ZSCAN25: variants seen among roughly 807,000 people sequenced by gnomAD.
The protein encoded by ZSCAN25 is zinc finger and SCAN domain containing 25, also known as zinc finger and SCAN domain-containing protein 25.
A neutral mutation model predicts 38.7 loss-of-function variants in ZSCAN25; 27 were observed. The observed-to-expected ratio is 0.70, with a 90% CI of 0.51 to 0.96. ZSCAN25 has a LOEUF of 0.96. Among genes scored for constraint, ZSCAN25 ranks in the 40% least tolerant of loss-of-function variants. ZSCAN25 has a pLI of 0.00. For synonymous variants in ZSCAN25, 273 were observed against 277.7 expected, an observed-to-expected ratio of 0.98 and a Z score of 0.17; for missense variants, 637 against 705.9, an observed-to-expected ratio of 0.90 and a Z score of 1.11.
the ZSCAN25 span, among the ~76,000 whole-genome samples, chr7:99,737,503 T>C: frequency 0.031 from 4,748 of 152,196 alleles, 236 homozygotes; most frequent in African/African-American, 0.1. Context: ...CTCTCTATGT[T>C]GCCACACCGA....
At chr7:99,650,367 C>T in the ZSCAN25 span, 2 of 758,902 alleles carry the variant, frequency 2.6e-6, no homozygotes, top group Non-Finnish European at 4.3e-6. Flanking sequence ...GTGGGCTGGT[C>T]ATTGAAATCC....
chr7:99,624,431 A>G, intron 7 of ZSCAN25: 3 of 515,174 alleles, frequency 5.8e-6, no homozygotes, highest in Non-Finnish European at 1.1e-5. Context: ...AGGACCCCCA[A>G]ACACCTACAT....
chr7:99,686,802 T>A, the ZSCAN25 span, among the ~76,000 whole-genome samples: 1 of 152,144 alleles, frequency 6.6e-6, no homozygotes, highest in Non-Finnish European at 1.5e-5. Context: ...GGTACTCCTC[T>A]GAGACAAACC....
chr7:99,665,990 A>C, the ZSCAN25 span, among the ~76,000 whole-genome samples: 3 of 152,242 alleles, frequency 2.0e-5, no homozygotes, highest in African/African-American at 7.2e-5. Flanking sequence ...ACATGTCCCA[A>C]GTCTGAACAG....
chr7:99,705,664 T>A, the ZSCAN25 span: 1 of 1,560,316 alleles, frequency 6.4e-7, no homozygotes, highest in Non-Finnish European at 8.8e-7. Context: ...AGCATCAAAG[T>A]AAAAAAAAAT....
At chr7:99,666,743 GA>G in the ZSCAN25 span, 1 of 1,613,366 alleles carries the variant, frequency 6.2e-7, no homozygotes, top group Non-Finnish European at 8.5e-7. Flanking sequence ...TCAAGTCCCA[GA>G]AGGATATGGC....
chr7:99,650,204 G>C, the ZSCAN25 span: 20 of 1,613,926 alleles, frequency 1.2e-5, no homozygotes, highest in Admixed American at 1.2e-4. Flanking sequence ...TATATGTAAG[G>C]ATCTATGCTG....
the ZSCAN25 span, among the ~76,000 whole-genome samples, chr7:99,640,138 C>T: frequency 6.6e-6 from 1 of 152,136 alleles, no homozygotes; most frequent in Non-Finnish European, 1.5e-5. Context: ...TCGTTTTCTT[C>T]CCACCCTCAA....
chr7:99,619,552 T>C lies in ZSCAN25; in HGVS notation c.-46-9T>C. ...GGCTGACCTTTCATGTGTCTCTTGT[T>C]CTCAAAAGGGTCATTGATGCAGTCA... On this transcript the variant is annotated splice_polypyrimidine_tract_variant and intron_variant, in intron 3 of 7. Coordinates refer to ENST00000394152, the MANE Select transcript of ZSCAN25 (RefSeq NM_145115.3). 1.3e-6 allele frequency: 2 copies of C among 1,542,182 alleles called. No individual in the cohort carries two copies. Among genetic ancestry groups the C allele is most frequent in the Non-Finnish European group, 1.7e-6 (2 of 1,145,034 alleles).
At chr7:99,664,442 A>C in the ZSCAN25 span, among the ~76,000 whole-genome samples, 2 of 152,246 alleles carry the variant, frequency 1.3e-5, no homozygotes, top group African/African-American at 4.8e-5. Flanking sequence ...CATGCTGTTC[A>C]GGAAATGATA....
Position 99,632,145 on chromosome 7 carries a change from G to A in ZSCAN25, c.*2125G>A, listed in dbSNP as rs11734. 9 of 985,382 alleles carry A rather than the reference G, an allele frequency of 9.1e-6. No individual in the cohort carries two copies. The East Asian group carries it at 9.1e-4, about 99-fold the overall frequency. 61.0% of individuals were successfully genotyped at this position (985,382 alleles called of 1,614,324 possible). A position where few individuals can be genotyped will look rare whatever the true frequency, so the allele number is the denominator to read the frequency against. The stretch of plus-strand genomic sequence containing the variant: ...GCTTCAGAAGGAGCTGGGCCTTGCT[G>A]ACTTTCCTATCTGGCCTCTTCCCTA... On this transcript the variant is annotated 3_prime_UTR_variant, in exon 8 of 8. Coordinates refer to ENST00000394152, the MANE Select transcript of ZSCAN25 (RefSeq NM_145115.3).
chr7:99,660,189 G>C, the ZSCAN25 span: 6 of 955,508 alleles, frequency 6.3e-6, no homozygotes, highest in Non-Finnish European at 7.3e-6. Flanking sequence ...AGCTGTTCCT[G>C]TTTGGCCATC....
chr7:99,727,349 C>G, the ZSCAN25 span, among the ~76,000 whole-genome samples: 1 of 152,210 alleles, frequency 6.6e-6, no homozygotes, highest in Admixed American at 6.5e-5. Context: ...ATGCTCAACT[C>G]ACTCCATACA....
At position 99,619,586 on chromosome 7, in the gene ZSCAN25, CT is replaced by C; in HGVS notation, c.-20del. On this transcript the variant is annotated 5_prime_UTR_variant, in exon 4 of 8. An upstream open reading frame in the 5' UTR loses its in-frame stop. Transcript: ENST00000394152. Reference sequence around the variant, plus strand: ...GGTCATTGATGCAGTCATTCTCAGTCTCCTCGGAGGGAGTCTGAAGATGCTT... The same window carrying C: ...GGTCATTGATGCAGTCATTCTCAGTCCCTCGGAGGGAGTCTGAAGATGCTT... 1 of 1,589,880 alleles carries C rather than the reference CT, an allele frequency of 6.3e-7. No individual in the cohort carries two copies. The highest frequency in any genetic ancestry group is 1.1e-5 in the South Asian group (1 of 87,940).
chr7:99,731,659 A>T, the ZSCAN25 span, among the ~76,000 whole-genome samples: 2 of 152,138 alleles, frequency 1.3e-5, no homozygotes, highest in African/African-American at 4.8e-5. Context: ...ATTTGCTCAG[A>T]GGCTTTTAAG....
At chr7:99,617,590 A>G (rs1206673100) in intron 1 of ZSCAN25, among the ~76,000 whole-genome samples, 1 of 151,398 alleles carries the variant, frequency 6.6e-6, no homozygotes, top group African/African-American at 2.4e-5. Flanking sequence ...CTACAAAAAT[A>G]AATAATTAGC....
At chr7:99,705,483 A>T in the ZSCAN25 span, 1 of 1,612,776 alleles carries the variant, frequency 6.2e-7, no homozygotes, top group Non-Finnish European at 8.5e-7. Flanking sequence ...AGAGCAAACC[A>T]GAAGTCCTTA....
the ZSCAN25 span, chr7:99,647,804 G>T: frequency 2.0e-6 from 2 of 985,408 alleles, no homozygotes; most frequent in Non-Finnish European, 2.4e-6. Context: ...CAGTCATTCA[G>T]TTCTATAGAT....
At chr7:99,716,032 T>C in the ZSCAN25 span, 4 of 1,566,940 alleles carry the variant, frequency 2.6e-6, no homozygotes, top group Non-Finnish European at 3.5e-6. Context: ...CAGAACTATT[T>C]ACTGGAGCAT....
Sources: allele counts gnomAD v4.1 joint callset (sites outside exome capture counted in the v4.1 genomes callset), GRCh38; gene constraint gnomAD v4.1.1; transcripts MANE v1.5; gene names NCBI Gene and HGNC (gene_info 2026-07-23, HGNC 2026-07-21).